TMEM117: variants seen among roughly 807,000 people sequenced by gnomAD.
TMEM117 encodes transmembrane protein 117.
In TMEM117, 27 loss-of-function variants were observed where a neutral mutation model predicts 52.4. That is an observed-to-expected ratio of 0.51 (90% confidence interval 0.38 to 0.71). TMEM117 has a LOEUF of 0.71. Among genes scored for constraint, TMEM117 ranks in the 30% least tolerant of loss-of-function variants. The pLI, the probability that TMEM117 is intolerant of heterozygous loss-of-function variation, is 0.00. For synonymous variants in TMEM117, 215 were observed against 206.3 expected (o/e 1.04, Z -0.36); for missense variants, 556 against 630.5 (o/e 0.88, Z 1.26).
At chr12:44,174,945 G>A (rs1447291623) in intron 4 of TMEM117, among the ~76,000 whole-genome samples, 1 of 152,180 alleles carries the variant, frequency 6.6e-6, no homozygotes, top group Non-Finnish European at 1.5e-5. Flanking sequence ...AAGGATCAGA[G>A]TATTTGAAGA....
intron 6 of TMEM117, among the ~76,000 whole-genome samples, chr12:44,373,194 C>G (rs187370023): frequency 6.6e-6 from 1 of 152,178 alleles, no homozygotes; most frequent in Non-Finnish European, 1.5e-5. Context: ...GCAGTGTCTC[C>G]CTCACACTTA....
intron 5 of TMEM117, among the ~76,000 whole-genome samples, chr12:44,228,137 C>A (rs141452445): frequency 9.9e-5 from 15 of 151,976 alleles, no homozygotes; most frequent in Admixed American, 3.9e-4. Context: ...AAGTGATGGA[C>A]AGTTTTAAAT....
At chr12:44,264,116 T>C (rs923628045) in intron 5 of TMEM117, 1 of 152,216 alleles carries the variant, frequency 6.6e-6, no homozygotes, top group African/African-American at 2.4e-5. Flanking sequence ...ATTCAGTGAA[T>C]ATGGTAAAAC....
At chr12:44,012,792 C>G (rs1946314779) in intron 3 of TMEM117, among the ~76,000 whole-genome samples, 1 of 152,152 alleles carries the variant, frequency 6.6e-6, no homozygotes, top group Non-Finnish European at 1.5e-5. Context: ...TCCAACATTC[C>G]TGGCATATGG....
chr12:44,018,267 A>G (rs963460094), intron 3 of TMEM117, among the ~76,000 whole-genome samples: 5 of 152,252 alleles, frequency 3.3e-5, no homozygotes, highest in African/African-American at 1.2e-4. Context: ...TGAATGAAAA[A>G]AGGACTCTTT....
chr12:44,024,768 T>G (rs1438187292), intron 3 of TMEM117, among the ~76,000 whole-genome samples: 1 of 152,128 alleles, frequency 6.6e-6, no homozygotes, highest in Non-Finnish European at 1.5e-5. Flanking sequence ...TAACGATTAG[T>G]CAGTGTAGGT....
At chr12:44,268,684 T>A (rs568877732) in intron 5 of TMEM117, among the ~76,000 whole-genome samples, 1 of 152,188 alleles carries the variant, frequency 6.6e-6, no homozygotes, top group Non-Finnish European at 1.5e-5. Context: ...CTCACATTGT[T>A]GGCAAACTAG....
chr12:44,057,977 C>T (rs1947083207), intron 3 of TMEM117, among the ~76,000 whole-genome samples: 1 of 152,156 alleles, frequency 6.6e-6, no homozygotes, highest in South Asian at 2.1e-4. Context: ...CCAGTTTTCC[C>T]AATTTTATTT....
intron 7 of TMEM117, among the ~76,000 whole-genome samples, chr12:44,379,560 C>T (rs1303592804): frequency 6.6e-6 from 1 of 152,162 alleles, no homozygotes; most frequent in Non-Finnish European, 1.5e-5. Context: ...CTTTTACTCT[C>T]TCTGTTTTGT....
chr12:43,803,386 C>T, the TMEM117 span, among the ~76,000 whole-genome samples: 38 of 151,956 alleles, frequency 2.5e-4, no homozygotes, highest in African/African-American at 9.2e-4. Flanking sequence ...TGCTCTTATA[C>T]CAGAAAAACA....
chr12:44,210,198 A>G (rs1391848212), intron 4 of TMEM117, among the ~76,000 whole-genome samples: 7 of 152,096 alleles, frequency 4.6e-5, no homozygotes, highest in Admixed American at 4.6e-4. Context: ...ATCATAAGTA[A>G]TGGAATGGTG....
At chr12:44,098,447 C>G (rs908790984) in intron 3 of TMEM117, among the ~76,000 whole-genome samples, 1 of 152,020 alleles carries the variant, frequency 6.6e-6, no homozygotes, top group Non-Finnish European at 1.5e-5. Context: ...TGCTAACTCT[C>G]TAAGTTTCTG....
chr12:44,052,437 T>C (rs776759356), intron 3 of TMEM117, among the ~76,000 whole-genome samples: 2 of 152,204 alleles, frequency 1.3e-5, no homozygotes, highest in African/African-American at 4.8e-5. Context: ...GAAGTCATAA[T>C]TGAGTGTGGC....
chr12:44,334,843 A>G (rs1951319745), intron 6 of TMEM117, among the ~76,000 whole-genome samples: 1 of 152,068 alleles, frequency 6.6e-6, no homozygotes, highest in African/African-American at 2.4e-5. Flanking sequence ...AAAAAAATTC[A>G]GTTATATGCT....
Position 44,136,128 on chromosome 12 carries a change from G to A in TMEM117, c.411-7397G>A, listed in dbSNP as rs554901050. ...ACTTAATTTTATTTAACATTAAAAT[G>A]TGACTAAATTAATTATGAAATTACT... On this transcript the variant is annotated intron_variant, in intron 3 of 7. Coordinates refer to ENST00000266534, the MANE Select transcript of TMEM117 (RefSeq NM_032256.3). Among the ~76,000 whole-genome samples the A allele has an allele frequency of 5.3e-5, 8 of 152,254 alleles. No homozygotes were observed. The East Asian group carries it at 9.6e-4, about 18-fold the overall frequency.
intron 2 of TMEM117, among the ~76,000 whole-genome samples, chr12:43,846,668 G>A (rs1943214355): frequency 6.6e-6 from 1 of 152,104 alleles, no homozygotes; most frequent in African/African-American, 2.4e-5. Context: ...TACTCTGTAT[G>A]CAATGGGGGA....
intron 2 of TMEM117, among the ~76,000 whole-genome samples, chr12:43,857,052 C>G (rs1450087454): frequency 2.0e-5 from 3 of 152,158 alleles, no homozygotes. Flanking sequence ...GGCTGGAAAT[C>G]CCAAGGACAT....
chr12:44,056,623 C>T (rs1045476133), intron 3 of TMEM117, among the ~76,000 whole-genome samples: 1 of 152,182 alleles, frequency 6.6e-6, no homozygotes, highest in Non-Finnish European at 1.5e-5. Flanking sequence ...TGTATTTTAA[C>T]ATAAATTATA....
intron 2 of TMEM117, among the ~76,000 whole-genome samples, chr12:43,925,053 T>C (rs553751891): frequency 6.6e-6 from 1 of 152,300 alleles, no homozygotes; most frequent in Non-Finnish European, 1.5e-5. Context: ...GAATTTTTCA[T>C]AGGGCAACTT....
Sources: allele counts gnomAD v4.1 joint callset (sites outside exome capture counted in the v4.1 genomes callset), GRCh38; gene constraint gnomAD v4.1.1; transcripts MANE v1.5; gene names NCBI Gene and HGNC (gene_info 2026-07-23, HGNC 2026-07-21).